The following COL4A4 variants were observed in gnomAD, a reference collection of about 807,000 sequenced individuals.
COL4A4 encodes collagen type IV alpha 4 chain.
COL4A4 carries 105 observed loss-of-function variants against 192.9 expected under a neutral mutation model. That is an observed-to-expected ratio of 0.54 (90% CI 0.46 to 0.64). The LOEUF (loss-of-function observed/expected upper bound fraction) is 0.64. Ranked by LOEUF, COL4A4 falls within the 30% of genes least tolerant of loss-of-function variation. The pLI, the probability that COL4A4 is intolerant of heterozygous loss-of-function variation, is 0.00. For missense variants in COL4A4, 1,967 were observed against 2,169.3 expected, an observed-to-expected ratio of 0.91 and a Z score of 1.85; for synonymous variants, 762 against 769.9, an observed-to-expected ratio of 0.99 and a Z score of 0.17.
Position 227,089,643 on chromosome 2 carries a change from TTTG to T in COL4A4, c.1459+222_1459+224del, listed in dbSNP as rs2059803535. Among the ~76,000 whole-genome samples the T allele has an allele frequency of 2.4e-5, 3 of 123,318 alleles. No individual in the cohort carries two copies. The South Asian group carries it at 8.5e-4, about 35-fold the overall frequency. The allele number at this position is 123,318 out of a possible 152,430, so 80.9% of individuals were successfully genotyped here. ...TATATAAATATATAAGACACAAGGCTTTGACTTTTATAATATATAAGACACAAG... is the reference window on the plus strand; with the variant it reads ...TATATAAATATATAAGACACAAGGCTACTTTTATAATATATAAGACACAAG... On this transcript the variant is annotated intron_variant, in intron 21 of 47. Transcript: ENST00000396625.
rs746079904 is a variant in COL4A4 at position 227,032,167 on chromosome 2, T to C, written c.3687A>G (p.Lys1229=). The C allele has an allele frequency of 3.1e-6, 5 of 1,614,202 alleles. No homozygotes were observed. In the South Asian group the frequency reaches 5.5e-5, roughly 18 times the overall value. The part of the protein sequence containing the change: ...GISPPGPRGK[K]GPPGPPGSSG... ...GCTTACCTGGGGGTCCTGGGGGACC[T>C]TTCTTTCCACGAGGACCTGGAGGAG... The change falls in exon 39 of 48, where the codon AAA becomes AAG. Residue 1229 remains lysine, a synonymous_variant. Coordinates refer to ENST00000396625, the MANE Select transcript of COL4A4 (RefSeq NM_000092.5).
chr2:227,154,784 G>C (rs1490105179), intron 1 of COL4A4, among the ~76,000 whole-genome samples: 5 of 152,226 alleles, frequency 3.3e-5, no homozygotes, highest in Non-Finnish European at 7.3e-5. Context: ...GAAAAAGAAT[G>C]ACATGTCTTA....
intron 6 of COL4A4, among the ~76,000 whole-genome samples, chr2:227,119,582 A>G (rs541598906): frequency 6.7e-6 from 1 of 148,582 alleles, no homozygotes; most frequent in Admixed American, 6.8e-5. Flanking sequence ...TATATACAAT[A>G]TATTTGGTGC....
At position 227,123,796 on chromosome 2, in the gene COL4A4, A is replaced by G. The variant is rs2061936481; in HGVS notation, c.193-2648T>C. 6.6e-6 allele frequency among the ~76,000 whole-genome samples: 1 copy of G among 152,176 alleles called. No individual in the cohort carries two copies. ...CAAAAGCACGTGCAAGCTGCCAGCA[A>G]AGTCCATCTGTTCAGGCCGACATAG... On this transcript the variant is annotated intron_variant, in intron 4 of 47. Transcript: ENST00000396625. The surrounding 1 kb of genome is among the most constrained non-coding windows in gnomAD (Gnocchi z 4.6).
intron 37 of COL4A4, among the ~76,000 whole-genome samples, chr2:227,039,677 G>A (rs941599960): frequency 3.9e-5 from 6 of 152,164 alleles, no homozygotes; most frequent in Admixed American, 2.6e-4. Context: ...GGAAAAAGTG[G>A]GAGTGGTTAA....
chr2:227,086,259 G>A (rs528099315), intron 22 of COL4A4, among the ~76,000 whole-genome samples: 1 of 152,260 alleles, frequency 6.6e-6, no homozygotes, highest in Non-Finnish European at 1.5e-5. Context: ...TGGCTGCTAG[G>A]GCCAGAGACA....
rs115051289 is a variant in COL4A4, at chr2:227,040,125, T to C, written c.3505+2023A>G. On this transcript the variant is annotated intron_variant, in intron 37 of 47. Coordinates refer to ENST00000396625, the MANE Select transcript of COL4A4 (RefSeq NM_000092.5). ...AAAGTGTGGGAAAATCGTATTTGAA[T>C]TTTCAAAACAGTAAAAGGATTAATC... Among the ~76,000 whole-genome samples, 1,276 of 152,320 alleles carry C rather than the reference T, an allele frequency of 8.4e-3. 21 individuals carry two copies. The highest frequency in any genetic ancestry group is 0.028 in the African/African-American group (1,174 of 41,584).
chr2:227,008,182 G>C lies in COL4A4; in HGVS notation c.4645C>G (p.Leu1549Val). ...TCTTCAGAGAGTGGCATCATGGGGAGGGGCGCAGCGCTGGCCAGCCAGTAG... is the reference window on the plus strand; with the variant it reads ...TCTTCAGAGAGTGGCATCATGGGGACGGGCGCAGCGCTGGCCAGCCAGTAG... ...RSYWLASAAP[L>V]PMMPLSEEAI... The change falls in exon 47 of 48, where the codon CTC (leucine) becomes GTC (valine). Residue 1549 changes from leucine (L) to valine (V), a missense_variant. Physicochemically the swap from Leu to Val is conservative, Grantham distance 32 (BLOSUM62 1). Coordinates refer to ENST00000396625, the MANE Select transcript of COL4A4 (RefSeq NM_000092.5). 6.2e-7 allele frequency: 1 copy of C among 1,614,146 alleles called. No individual in the cohort carries two copies.
chr2:227,050,041 G>A (rs780985188), intron 34 of COL4A4, 27 bp downstream of exon 34: 26 of 1,605,488 alleles, frequency 1.6e-5, no homozygotes, highest in Non-Finnish European at 2.0e-5. Flanking sequence ...GCATTTGACA[G>A]ATGGCTTCTG....
chr2:227,133,621 G>A (rs1309401418), intron 4 of COL4A4, among the ~76,000 whole-genome samples: 1 of 152,264 alleles, frequency 6.6e-6, no homozygotes, highest in Non-Finnish European at 1.5e-5. Flanking sequence ...GCCAGGCGTG[G>A]TGGCTCACGC....
At chr2:227,059,998 A>G (rs1262933287) in intron 27 of COL4A4, 138 bp downstream of exon 27, 1 of 673,560 alleles carries the variant, frequency 1.5e-6, no homozygotes. Flanking sequence ...GTCTATCAAG[A>G]AACACCATTT....
chr2:227,162,275 T>C (rs937435246), intron 1 of COL4A4, among the ~76,000 whole-genome samples: 1 of 152,226 alleles, frequency 6.6e-6, no homozygotes, highest in African/African-American at 2.4e-5. Flanking sequence ...AAACCAAGTC[T>C]AGTCCTCCAA....
In COL4A4 at chr2:227,012,243, C is replaced by G; in HGVS notation, c.4271G>C (p.Gly1424Ala). 1.2e-6 allele frequency: 2 copies of G among 1,614,074 alleles called. No homozygotes were observed. The highest frequency in any genetic ancestry group is 1.7e-6 in the Non-Finnish European group (2 of 1,179,998). The change falls in exon 45 of 48, where the codon GGG becomes GCG. Residue 1424 changes from glycine to alanine, a missense_variant. Coordinates refer to ENST00000396625, the MANE Select transcript of COL4A4 (RefSeq NM_000092.5). ...TTTACGTCCGGGAGGCCCAGGAGAC[C>G]CAGGGACGCCATCCACACCCCTCCT... Reference protein sequence around the residue: ...DGRRGVDGVPGSPGPPGRKGD... With the variant: ...DGRRGVDGVPASPGPPGRKGD...
At chr2:227,028,075 T>C in intron 41 of COL4A4, 66 bp from the exon 42 acceptor site, 1 of 1,106,456 alleles carries the variant, frequency 9.0e-7, no homozygotes, top group Admixed American at 2.0e-5. Flanking sequence ...CAATGACAGT[T>C]TGATAGACTG....
In COL4A4 at chr2:227,111,655, T is replaced by C. The variant is rs781674496; in HGVS notation, c.594+23A>G. ...GCTATTTGAGGAGGAAATAGAAGCA[T>C]AGAGCCTGCTCAGGAGACTTACTGG... On this transcript the variant is annotated intron_variant, in intron 9 of 47. Transcript: ENST00000396625. The C allele has an allele frequency of 3.1e-6, 5 of 1,613,518 alleles. No homozygotes were observed. In the Admixed American group the frequency reaches 5.0e-5, roughly 16 times the overall value.
chr2:227,158,278 G>C (rs1391943594), intron 1 of COL4A4, among the ~76,000 whole-genome samples: 2 of 152,010 alleles, frequency 1.3e-5, no homozygotes. Flanking sequence ...ACAACAAGTG[G>C]ATATTCACAT....
chr2:227,057,720 A>G, intron 28 of COL4A4, 120 bp from the exon 29 acceptor site: 2 of 1,067,758 alleles, frequency 1.9e-6, no homozygotes, highest in South Asian at 2.7e-5. Flanking sequence ...TCAGTGTTCA[A>G]ATGGGTTAAG....
intron 2 of COL4A4, among the ~76,000 whole-genome samples, chr2:227,146,740 C>T (rs2063573604): frequency 1.3e-5 from 2 of 152,140 alleles, no homozygotes; most frequent in African/African-American, 4.8e-5. Flanking sequence ...TTCCTTGGCT[C>T]CTGGTCCCCC....
chr2:227,091,177 A>G (rs935425479), intron 20 of COL4A4, among the ~76,000 whole-genome samples: 1 of 152,028 alleles, frequency 6.6e-6, no homozygotes, highest in Non-Finnish European at 1.5e-5. Context: ...GAGGGAGAGT[A>G]TTGCATCCCT....
Sources: allele counts gnomAD v4.1 joint callset (sites outside exome capture counted in the v4.1 genomes callset), GRCh38; gene constraint gnomAD v4.1.1; non-coding constraint Gnocchi (gnomAD v3.1); transcripts MANE v1.5; gene names NCBI Gene and HGNC (gene_info 2026-07-23, HGNC 2026-07-21).